Variants in OXSR1 observed in about 807,000 individuals in gnomAD.
OXSR1 encodes the protein serine/threonine-protein kinase OSR1.
A neutral mutation model predicts 79.8 loss-of-function variants in OXSR1; 24 were observed. That is an observed-to-expected ratio of 0.30 (90% CI 0.22 to 0.42). The LOEUF is 0.42. Ranked by LOEUF, OXSR1 falls within the 10% of genes least tolerant of loss-of-function variation. OXSR1 has a pLI of 1.00. For missense variants in OXSR1, 430 were observed against 618.4 expected (o/e 0.70, Z 3.23); for synonymous variants, 226 against 209.2 (o/e 1.08, Z -0.69).
chr3:38,170,390 A>T (rs1400960774), intron 1 of OXSR1, among the ~76,000 whole-genome samples: 1 of 152,006 alleles, frequency 6.6e-6, no homozygotes, highest in Non-Finnish European at 1.5e-5. Context: ...AAAAGTTTTG[A>T]ATTTTGATGT....
At chr3:38,198,897 T>C in intron 4 of OXSR1, 34 bp downstream of exon 4, 1 of 1,585,390 alleles carries the variant, frequency 6.3e-7, no homozygotes, top group Non-Finnish European at 8.6e-7. Context: ...TGTTACATCA[T>C]CTCATTAAGG....
intron 10 of OXSR1, among the ~76,000 whole-genome samples, chr3:38,234,276 T>C (rs931605341): frequency 2.6e-5 from 4 of 152,226 alleles, no homozygotes; most frequent in African/African-American, 9.6e-5. Flanking sequence ...TTAAGACTTT[T>C]GTGCTTCAAT....
chr3:38,226,251 G>A (rs1469733515), intron 8 of OXSR1, among the ~76,000 whole-genome samples: 1 of 151,962 alleles, frequency 6.6e-6, no homozygotes, highest in African/African-American at 2.4e-5. Flanking sequence ...TTATGAACTA[G>A]TTAGCAGACA....
chr3:38,199,165 A>G (rs1316669755), intron 4 of OXSR1, among the ~76,000 whole-genome samples: 3 of 152,188 alleles, frequency 2.0e-5, no homozygotes, highest in African/African-American at 7.2e-5. Context: ...AATACTGTAT[A>G]TGTAATTTTG....
rs762541791 is a variant in OXSR1, at chr3:38,246,140, A to G, written c.1176A>G (p.Leu392=). The change falls in exon 13 of 18, where the codon CTA becomes CTG. Residue 392 remains leucine (L), a synonymous_variant. Transcript: ENST00000311806. ...TTCCAGAACAGATCTCTGCTCATCT[A>G]CCTCAGCCAGCTGGGCAGATTGCTA... is the stretch of plus-strand genomic sequence containing the variant. ...LQVPEQISAH[L]PQPAGQIATQ... 2.5e-6 allele frequency: 4 copies of G among 1,613,552 alleles called. No individual in the cohort carries two copies. The highest frequency in any genetic ancestry group is 2.2e-5 in the East Asian group (1 of 44,868).
At chr3:38,202,860 G>A (rs1330627709) in intron 4 of OXSR1, among the ~76,000 whole-genome samples, 5 of 152,202 alleles carry the variant, frequency 3.3e-5, no homozygotes, top group African/African-American at 4.8e-5. Context: ...GGGCTCCTTG[G>A]TAAGCGGTAA....
chr3:38,241,552 G>A (rs1381387384), intron 11 of OXSR1, among the ~76,000 whole-genome samples: 1 of 152,024 alleles, frequency 6.6e-6, no homozygotes, highest in Non-Finnish European at 1.5e-5. Context: ...TGATTATTAA[G>A]TGGTAAACAG....
chr3:38,209,111 TGTTA>T (rs776741951), intron 4 of OXSR1, among the ~76,000 whole-genome samples: 1 of 152,202 alleles, frequency 6.6e-6, no homozygotes, highest in African/African-American at 2.4e-5. Context: ...TTTTTTCTTT[TGTTA>T]GTTACTTTTC....
At chr3:38,192,541 C>T (rs1000541190) in intron 3 of OXSR1, among the ~76,000 whole-genome samples, 10 of 152,178 alleles carry the variant, frequency 6.6e-5, no homozygotes, top group African/African-American at 2.2e-4. Flanking sequence ...AAGCTTGAAT[C>T]TCTTTTCCTT....
intron 3 of OXSR1, among the ~76,000 whole-genome samples, chr3:38,193,570 C>T (rs932649068): frequency 1.3e-5 from 2 of 150,060 alleles, no homozygotes; most frequent in African/African-American, 4.9e-5. Flanking sequence ...TCGTCCATAT[C>T]TGTATGCCAG....
At chr3:38,171,062 G>A (rs539397339) in intron 1 of OXSR1, among the ~76,000 whole-genome samples, 19 of 152,202 alleles carry the variant, frequency 1.2e-4, no homozygotes, top group South Asian at 4.1e-4. Context: ...CAGGTATGAA[G>A]CACTGTGCCT....
At chr3:38,194,217 C>G (rs188923249) in intron 3 of OXSR1, among the ~76,000 whole-genome samples, 3 of 152,128 alleles carry the variant, frequency 2.0e-5, no homozygotes, top group African/African-American at 7.2e-5. Flanking sequence ...TTAACTAAAA[C>G]TTGCCTCTGG....
intron 15 of OXSR1, among the ~76,000 whole-genome samples, chr3:38,250,619 G>A (rs994689678): frequency 6.6e-6 from 1 of 152,156 alleles, no homozygotes. Flanking sequence ...TTGGGGAGTA[G>A]CCAGCAAGTA....
At chr3:38,210,343 G>A (rs931480553) in intron 4 of OXSR1, among the ~76,000 whole-genome samples, 5 of 152,118 alleles carry the variant, frequency 3.3e-5, no homozygotes, top group Non-Finnish European at 5.9e-5. Context: ...GATGGGTTAG[G>A]TTCTGGTAAA....
chr3:38,223,985 T>A (rs149824), intron 7 of OXSR1, 72 bp downstream of exon 7: 1 of 891,348 alleles, frequency 1.1e-6, no homozygotes, highest in Non-Finnish European at 1.7e-6. Flanking sequence ...GCCAGTCTTT[T>A]AATTTTTTTT....
intron 8 of OXSR1, among the ~76,000 whole-genome samples, chr3:38,229,018 T>C (rs1702751960): frequency 6.6e-6 from 1 of 152,208 alleles, no homozygotes; most frequent in Admixed American, 6.5e-5. Context: ...AGGTCCAGTC[T>C]CTTAAATGTT....
At chr3:38,199,949 C>G (rs552802643) in intron 4 of OXSR1, among the ~76,000 whole-genome samples, 3 of 152,276 alleles carry the variant, frequency 2.0e-5, no homozygotes, top group Admixed American at 2.0e-4. Flanking sequence ...AAGGCTCTTC[C>G]CTTGGGCCCC....
intron 1 of OXSR1, among the ~76,000 whole-genome samples, chr3:38,169,620 G>T: frequency 6.7e-6 from 1 of 148,484 alleles, no homozygotes; most frequent in Non-Finnish European, 1.5e-5. Flanking sequence ...TTTTTTTTTT[G>T]AGTTATAGAA....
rs777958978 is a variant in OXSR1, at chr3:38,246,197, C to G, written c.1233C>G (p.Thr411=). The G allele has an allele frequency of 3.1e-6, 5 of 1,613,736 alleles. No homozygotes were observed. Among genetic ancestry groups the G allele is most frequent in the Non-Finnish European group, 3.4e-6 (4 of 1,179,778 alleles). The change falls in exon 13 of 18, where the codon ACC becomes ACG. Residue 411 remains threonine, a synonymous_variant. Coordinates refer to ENST00000311806, the MANE Select transcript of OXSR1 (RefSeq NM_005109.3). ...TQPTQVSLPP[T]AEPAKTAQAL... ...CAACTCAAGTCTCTCTCCCACCCAC[C>G]GCAGAGCCAGCAAAAACAGCTCAGG...
Sources: gnomAD v4.1 joint callset for allele counts (sites outside exome capture counted in the v4.1 genomes callset) on GRCh38, gnomAD v4.1.1 for gene constraint, MANE v1.5 for transcripts, NCBI Gene and HGNC (gene_info 2026-07-23, HGNC 2026-07-21) for gene names.